Variants in ZFPM2 observed in about 807,000 individuals in gnomAD.
The protein encoded by ZFPM2 is zinc finger protein ZFPM2.
Under a neutral mutation model 98.6 loss-of-function variants are expected in ZFPM2, and 20 were observed. The observed-to-expected ratio is 0.20, with a 90% CI of 0.14 to 0.29. The LOEUF (loss-of-function observed/expected upper bound fraction) is 0.29. Among genes scored for constraint, ZFPM2 ranks in the 10% least tolerant of loss-of-function variants. The pLI is 1.00. For missense variants in ZFPM2, 1,310 were observed against 1,388.6 expected (o/e 0.94, Z 0.90); for synonymous variants, 518 against 502.7 (o/e 1.03, Z -0.41).
intron 1 of ZFPM2, among the ~76,000 whole-genome samples, chr8:105,370,952 G>T (rs192459366): frequency 2.0e-5 from 3 of 152,256 alleles, no homozygotes; most frequent in Non-Finnish European, 4.4e-5. Context: ...CTCTGTGATG[G>T]ATTTTGAAGA....
chr8:105,519,435 A>G (rs1049628716), intron 3 of ZFPM2, among the ~76,000 whole-genome samples: 23 of 152,214 alleles, frequency 1.5e-4, no homozygotes, highest in African/African-American at 5.5e-4. Flanking sequence ...ATGAGAAATG[A>G]TCTCGTACCT....
At chr8:105,474,583 A>G (rs747632638) in intron 3 of ZFPM2, among the ~76,000 whole-genome samples, 4 of 152,224 alleles carry the variant, frequency 2.6e-5, no homozygotes, top group East Asian at 1.9e-4. Flanking sequence ...CTTAAAAACT[A>G]TAACCCTTTA....
chr8:105,583,453 C>T (rs1815645835), intron 4 of ZFPM2, among the ~76,000 whole-genome samples: 1 of 152,060 alleles, frequency 6.6e-6, no homozygotes, highest in Non-Finnish European at 1.5e-5. Context: ...AGCAACAAAT[C>T]TATAGCATAT....
At chr8:105,621,950 T>C (rs968043264) in intron 4 of ZFPM2, among the ~76,000 whole-genome samples, 1 of 152,096 alleles carries the variant, frequency 6.6e-6, no homozygotes, top group African/African-American at 2.4e-5. Flanking sequence ...CTGCACCACA[T>C]GAAAGAGGGC....
intron 6 of ZFPM2, 89 bp from the exon 7 acceptor site, chr8:105,798,635 T>G: frequency 8.8e-7 from 1 of 1,130,874 alleles, no homozygotes; most frequent in South Asian, 1.4e-5. Flanking sequence ...GAGAGCGGAG[T>G]CTGAGAAAAA....
intron 5 of ZFPM2, among the ~76,000 whole-genome samples, chr8:105,753,609 A>G (rs1812524996): frequency 6.6e-6 from 1 of 152,194 alleles, no homozygotes; most frequent in South Asian, 2.1e-4. Context: ...TAGTAGCTTC[A>G]AAGTACATGT....
intron 4 of ZFPM2, among the ~76,000 whole-genome samples, chr8:105,565,845 C>A (rs752332413): frequency 6.6e-6 from 1 of 152,122 alleles, no homozygotes; most frequent in African/African-American, 2.4e-5. Context: ...TTGCCAAGGG[C>A]TCTGTCTTAG....
At chr8:105,605,425 T>C (rs1472561756) in intron 4 of ZFPM2, among the ~76,000 whole-genome samples, 2 of 152,118 alleles carry the variant, frequency 1.3e-5, no homozygotes, top group East Asian at 3.9e-4. Flanking sequence ...TTCCAAGTTA[T>C]TGCTGTCAGC....
intron 3 of ZFPM2, among the ~76,000 whole-genome samples, chr8:105,494,726 C>G (rs907724463): frequency 1.3e-5 from 2 of 152,110 alleles, no homozygotes; most frequent in Admixed American, 1.3e-4. Flanking sequence ...CATGAAGAAC[C>G]AAGCAGTCTG....
chr8:105,660,149 T>G (rs1255165294), intron 5 of ZFPM2, among the ~76,000 whole-genome samples: 7 of 152,192 alleles, frequency 4.6e-5, no homozygotes, highest in African/African-American at 1.2e-4. Context: ...TACATTTTTT[T>G]TTTTATTAAA....
chr8:105,603,708 A>G (rs1006234160), intron 4 of ZFPM2, among the ~76,000 whole-genome samples: 4 of 152,078 alleles, frequency 2.6e-5, no homozygotes, highest in Admixed American at 2.6e-4. Flanking sequence ...AATTTAGGCA[A>G]GTTAGTTGAC....
chr8:105,682,728 T>C (rs747058520), intron 5 of ZFPM2, among the ~76,000 whole-genome samples: 82 of 152,248 alleles, frequency 5.4e-4, no homozygotes, highest in Non-Finnish European at 1.0e-3. Flanking sequence ...GGGAATGTAA[T>C]CCAGCTGTAT....
intron 1 of ZFPM2, chr8:105,387,144 T>C (rs1811009692): frequency 6.6e-6 from 1 of 152,408 alleles, no homozygotes; most frequent in African/African-American, 2.4e-5. Context: ...AGACACAGGG[T>C]GCTGACTGGT....
At chr8:105,706,708 T>G (rs539683244) in intron 5 of ZFPM2, among the ~76,000 whole-genome samples, 32 of 152,174 alleles carry the variant, frequency 2.1e-4, no homozygotes, top group African/African-American at 7.5e-4. Flanking sequence ...GCCTCCCAAG[T>G]AGCTGGGACT....
intron 1 of ZFPM2, among the ~76,000 whole-genome samples, chr8:105,343,328 T>G (rs1812462850): frequency 6.6e-6 from 1 of 152,120 alleles, no homozygotes; most frequent in African/African-American, 2.4e-5. Context: ...GCCAGTCACA[T>G]CTTGGGTATT....
chr8:105,789,992 G>T (rs1233778713), intron 6 of ZFPM2, among the ~76,000 whole-genome samples: 1 of 151,846 alleles, frequency 6.6e-6, no homozygotes, highest in African/African-American at 2.4e-5. Flanking sequence ...TTAGCCCTTT[G>T]TCAGATGAGT....
At chr8:105,364,345 A>G (rs1810468696) in intron 1 of ZFPM2, among the ~76,000 whole-genome samples, 1 of 152,134 alleles carries the variant, frequency 6.6e-6, no homozygotes, top group African/African-American at 2.4e-5. Context: ...TAAAAAAATA[A>G]TTCATGGCAA....
chr8:105,364,939 C>T (rs1402317046), intron 1 of ZFPM2, among the ~76,000 whole-genome samples: 7 of 152,048 alleles, frequency 4.6e-5, no homozygotes, highest in African/African-American at 1.7e-4. Flanking sequence ...TTTAGTCCTT[C>T]GCTTTCTATT....
At chr8:105,750,553 G>A (rs1430508806) in intron 5 of ZFPM2, among the ~76,000 whole-genome samples, 4 of 151,966 alleles carry the variant, frequency 2.6e-5, no homozygotes, top group Non-Finnish European at 5.9e-5. Context: ...TCTAAGTTAT[G>A]TGTTAGGAAA....
Sources: gnomAD v4.1 joint callset for allele counts (sites outside exome capture counted in the v4.1 genomes callset) on GRCh38, gnomAD v4.1.1 for gene constraint, MANE v1.5 for transcripts, NCBI Gene and HGNC (gene_info 2026-07-23, HGNC 2026-07-21) for gene names.